ANKRD45: variants seen among roughly 807,000 people sequenced by gnomAD.
ANKRD45 encodes ankyrin repeat domain 45.
ANKRD45 carries 21 observed loss-of-function variants against 28.1 expected under a neutral mutation model. The observed-to-expected ratio is 0.75, with a 90% confidence interval of 0.53 to 1.08. ANKRD45 has a LOEUF of 1.08. Among genes scored for constraint, ANKRD45 ranks in the 50% least tolerant of loss-of-function variants. ANKRD45 has a pLI of 0.00. For missense variants in ANKRD45, 261 were observed against 308.7 expected, an observed-to-expected ratio of 0.85 and a Z score of 1.16; for synonymous variants, 86 against 103.9, an observed-to-expected ratio of 0.83 and a Z score of 1.05.
chr1:173,635,595 G>A (rs1668395220), intron 3 of ANKRD45: 13 of 1,535,420 alleles, frequency 8.5e-6, no homozygotes, highest in Non-Finnish European at 1.1e-5. Context: ...TTCTGCATTT[G>A]TGATGGAACT....
At chr1:173,627,185 C>A in intron 3 of ANKRD45, 26 bp from the exon 4 acceptor site, 1 of 1,469,258 alleles carries the variant, frequency 6.8e-7, no homozygotes, top group Non-Finnish European at 9.5e-7. Flanking sequence ...GAAACACACA[C>A]ATGACAAGAC....
At chr1:173,678,105 G>A in the ANKRD45 span, among the ~76,000 whole-genome samples, 2 of 152,068 alleles carry the variant, frequency 1.3e-5, no homozygotes, top group African/African-American at 4.8e-5. Flanking sequence ...AAAAAGTCCA[G>A]GACAACACAG....
intron 5 of ANKRD45, among the ~76,000 whole-genome samples, chr1:173,620,668 C>T (rs1324014993): frequency 6.6e-6 from 1 of 151,918 alleles, no homozygotes; most frequent in Non-Finnish European, 1.5e-5. Context: ...GGGTGCAGCG[C>T]ACCAGCATGG....
At chr1:173,657,851 A>T (rs907547549) in intron 2 of ANKRD45, 1 of 148,214 alleles carries the variant, frequency 6.7e-6, no homozygotes, top group African/African-American at 2.5e-5. Context: ...TCTTTTTCTA[A>T]TTTCTTCAGT....
At chr1:173,642,732 T>G (rs1344856448) in intron 3 of ANKRD45, among the ~76,000 whole-genome samples, 1 of 152,232 alleles carries the variant, frequency 6.6e-6, no homozygotes, top group Non-Finnish European at 1.5e-5. Context: ...CTCTCAGCAT[T>G]CCACAGGTTA....
At chr1:173,682,963 AT>A in the ANKRD45 span, among the ~76,000 whole-genome samples, 14 of 149,102 alleles carry the variant, frequency 9.4e-5, no homozygotes, top group African/African-American at 3.5e-4. Context: ...TTTTCGGGCC[AT>A]TTTTCTCCCC....
At chr1:173,621,727 T>C (rs1366665985) in intron 5 of ANKRD45, among the ~76,000 whole-genome samples, 1 of 152,128 alleles carries the variant, frequency 6.6e-6, no homozygotes, top group African/African-American at 2.4e-5. Flanking sequence ...AGTGGAAGCA[T>C]TCCCCTTGAA....
intron 3 of ANKRD45, among the ~76,000 whole-genome samples, chr1:173,638,843 A>C (rs1668577462): frequency 6.6e-6 from 1 of 152,206 alleles, no homozygotes; most frequent in Admixed American, 6.5e-5. Flanking sequence ...CAGGAGACCC[A>C]AATTTAAAAA....
intron 1 of ANKRD45, among the ~76,000 whole-genome samples, chr1:173,664,186 C>T (rs956411110): frequency 6.6e-6 from 1 of 152,154 alleles, no homozygotes; most frequent in African/African-American, 2.4e-5. Flanking sequence ...TGGTTAATAG[C>T]TTGGGTGACA....
the ANKRD45 span, among the ~76,000 whole-genome samples, chr1:173,681,010 T>A: frequency 4.0e-5 from 6 of 151,774 alleles, no homozygotes; most frequent in Admixed American, 2.0e-4. Context: ...AGGGATAGCA[T>A]TAGGAGAAAT....
chr1:173,618,020 C>T lies in ANKRD45; in HGVS notation c.730+6767G>A, dbSNP rs866023147. On this transcript the variant is annotated intron_variant, in intron 5 of 5. Coordinates refer to ENST00000333279, the MANE Select transcript of ANKRD45 (RefSeq NM_198493.3). ...GCAACTTCCAGCTTTCTGGAGCCAT[C>T]CCCCAGCAAACTGCAGCAGCCCTAC... 2.0e-5 allele frequency among the ~76,000 whole-genome samples: 3 copies of T among 152,266 alleles called. No individual in the cohort carries two copies. In the Middle Eastern group the frequency reaches 0.01, roughly 518 times the overall value.
intron 5 of ANKRD45, among the ~76,000 whole-genome samples, chr1:173,624,329 T>TA (rs972738100): frequency 2.0e-4 from 30 of 151,514 alleles, no homozygotes; most frequent in Admixed American, 1.2e-3. Context: ...CCTATCTCCA[T>TA]AAAAAATTTA....
At chr1:173,707,195 T>C in the ANKRD45 span, among the ~76,000 whole-genome samples, 6 of 152,196 alleles carry the variant, frequency 3.9e-5, no homozygotes, top group African/African-American at 1.4e-4. Context: ...TTATGATATA[T>C]TAATATATTG....
At chr1:173,686,226 C>G in the ANKRD45 span, among the ~76,000 whole-genome samples, 143 of 152,114 alleles carry the variant, frequency 9.4e-4, 1 homozygote, top group Admixed American at 9.2e-3. Context: ...TGCAATAGTT[C>G]GAGGCAAAAT....
the ANKRD45 span, among the ~76,000 whole-genome samples, chr1:173,688,579 G>GCCT: frequency 1.2e-3 from 106 of 85,502 alleles, 22 homozygotes; most frequent in African/African-American, 3.5e-3. Context: ...TCTCTCTGCC[G>GCCT]CTTCCTCTCT....
chr1:173,611,570 C>T (rs1232643826), intron 5 of ANKRD45, among the ~76,000 whole-genome samples: 4 of 112,760 alleles, frequency 3.5e-5, no homozygotes, highest in South Asian at 2.9e-4. Flanking sequence ...TGGCCTAATA[C>T]ATACATACAC....
At chr1:173,689,773 C>T in the ANKRD45 span, among the ~76,000 whole-genome samples, 3 of 151,952 alleles carry the variant, frequency 2.0e-5, no homozygotes, top group African/African-American at 4.8e-5. Flanking sequence ...CGGTGATCTG[C>T]GTTGTTATTG....
At chr1:173,710,055 T>A in the ANKRD45 span, among the ~76,000 whole-genome samples, 1 of 152,240 alleles carries the variant, frequency 6.6e-6, no homozygotes, top group South Asian at 2.1e-4. Flanking sequence ...CTGGGTGTGG[T>A]GGCTTATGTC....
chr1:173,653,042 A>C (rs1283771699), intron 2 of ANKRD45, among the ~76,000 whole-genome samples: 1 of 152,124 alleles, frequency 6.6e-6, no homozygotes, highest in Non-Finnish European at 1.5e-5. Flanking sequence ...CTTTGCAAAA[A>C]AACAAGTCCT....
Sources: gnomAD v4.1 joint callset for allele counts (sites outside exome capture counted in the v4.1 genomes callset) on GRCh38, gnomAD v4.1.1 for gene constraint, MANE v1.5 for transcripts, NCBI Gene and HGNC (gene_info 2026-07-23, HGNC 2026-07-21) for gene names.